The following RBMX2 variants were observed in gnomAD, a reference collection of about 807,000 sequenced individuals.
The protein encoded by RBMX2 is RNA-binding motif protein, X-linked 2.
For missense variants in RBMX2, 191 were observed against 256.0 expected (o/e 0.75, Z 1.73); for synonymous variants, 77 against 94.3 (o/e 0.82, Z 1.07).
chrX:130,404,635 T>G (rs1049595251), intron 3 of RBMX2, among the ~76,000 whole-genome samples: 1 of 112,730 alleles, frequency 8.9e-6, no homozygotes, highest in Non-Finnish European at 1.9e-5. Flanking sequence ...TAGCGGACCA[T>G]GGCAAAAGGG....
intron 3 of RBMX2, chrX:130,404,066 A>C (rs2034471085): frequency 1.5e-5 from 6 of 402,629 alleles, no homozygotes; most frequent in Middle Eastern, 3.9e-4. Context: ...TTGGGAGGGC[A>C]TCTTGGGGAT....
intron 3 of RBMX2, among the ~76,000 whole-genome samples, chrX:130,407,831 AT>A (rs984160640): frequency 9.2e-6 from 1 of 109,237 alleles, no homozygotes; most frequent in African/African-American, 3.3e-5. Context: ...ATTAAAAAAA[AT>A]TTTTTTTGTA....
At position 130,412,362 on chromosome X, in the gene RBMX2, C is replaced by T; in HGVS notation, c.483C>T (p.Asp161=). The part of the protein sequence containing the change: ...DEKPTKKHKK[D]KKEKKKKKKE... ...CTGCTTCTTTCTTTTATCCTCCAGA[C>T]AAAAAGGAAAAAAAGAAAAAAAAGA... Residue 161 remains aspartate, a splice_region_variant and synonymous_variant, in exon 6 of 6, where the codon GAC becomes GAT. Coordinates refer to ENST00000305536, the MANE Select transcript of RBMX2 (RefSeq NM_016024.4). The T allele has an allele frequency of 9.0e-7, 1 of 1,110,619 alleles. No individual in the cohort carries two copies. The highest frequency in any genetic ancestry group is 1.2e-6 in the Non-Finnish European group (1 of 846,678). 91.5% of individuals were successfully genotyped at this position (1,110,619 alleles called of 1,213,427 possible). A position where few individuals can be genotyped will look rare whatever the true frequency, so the allele number is the denominator to read the frequency against.
At position 130,412,836 on chromosome X, in the gene RBMX2, T is replaced by C. The variant is rs1265751303; in HGVS notation, c.957T>C (p.Arg319=). Residue 319 remains arginine, a synonymous_variant, in exon 6 of 6, where the codon CGT becomes CGC. Coordinates refer to ENST00000305536, the MANE Select transcript of RBMX2 (RefSeq NM_016024.4). ...GGGAGTCTTCGAATCCCAGTGACCG[T>C]TGGCGTCACTGAAGACTTCAGCTGC... The part of the protein sequence containing the change: ...RERESSNPSD[R]WRH 1.7e-6 allele frequency: 2 copies of C among 1,207,100 alleles called. No individual in the cohort carries two copies. Among genetic ancestry groups the C allele is most frequent in the Non-Finnish European group, 2.2e-6 (2 of 893,961 alleles).
chrX:130,411,272 CTG>C lies in RBMX2; in HGVS notation c.304-74_304-73del, dbSNP rs778634071. On this transcript the variant is annotated intron_variant, in intron 4 of 5. Coordinates refer to ENST00000305536, the MANE Select transcript of RBMX2 (RefSeq NM_016024.4). ...AGGATGTAGTTCAAATCATGGTTCTCTGTAGCTTGTGTTCAAATAGTTTGACA... is the reference window on the plus strand; with the variant it reads ...AGGATGTAGTTCAAATCATGGTTCTCTAGCTTGTGTTCAAATAGTTTGACA... The C allele has an allele frequency of 1.4e-4, 138 of 971,035 alleles. 1 individual carries two copies. Among genetic ancestry groups the C allele is most frequent in the Non-Finnish European group, 1.4e-4 (99 of 719,486 alleles). The allele number at this position is 971,035 out of a possible 1,213,427, so 80.0% of individuals were successfully genotyped here. A position where few individuals can be genotyped will look rare whatever the true frequency, so the allele number is the denominator to read the frequency against.
At chrX:130,410,346 C>T (rs1305205401) in intron 4 of RBMX2, among the ~76,000 whole-genome samples, 1 of 99,022 alleles carries the variant, frequency 1.0e-5, no homozygotes, top group East Asian at 3.2e-4. Context: ...CTGTATCTGC[C>T]TAAAAATAGA....
At chrX:130,404,288 C>T (rs972008124) in intron 3 of RBMX2, 5 of 135,769 alleles carry the variant, frequency 3.7e-5, no homozygotes, top group Non-Finnish European at 7.5e-5. Flanking sequence ...CTTTGTTTCT[C>T]GATGAGTGTA....
chrX:130,412,919 T>C lies in RBMX2; in HGVS notation c.*71T>C. 5 of 1,055,857 alleles carry C rather than the reference T, an allele frequency of 4.7e-6. No homozygotes were observed. The highest frequency in any genetic ancestry group is 6.3e-6 in the Non-Finnish European group (5 of 795,865). The allele number at this position is 1,055,857 out of a possible 1,213,427, so 87.0% of individuals were successfully genotyped here. On this transcript the variant is annotated 3_prime_UTR_variant, in exon 6 of 6. Transcript: ENST00000305536. Reference sequence around the variant, plus strand: ...ATGCAGTCAAATTCAGTTGGGTGGTTACTATTTTTGTATCTAAAACTTCTG... The same window carrying C: ...ATGCAGTCAAATTCAGTTGGGTGGTCACTATTTTTGTATCTAAAACTTCTG...
At chrX:130,402,780 C>T (rs2034463076) in intron 2 of RBMX2, among the ~76,000 whole-genome samples, 1 of 111,590 alleles carries the variant, frequency 9.0e-6, no homozygotes, top group Non-Finnish European at 1.9e-5. Flanking sequence ...TACCACCACC[C>T]TCCCCCATTC....
At chrX:130,405,850 T>TC (rs1357309559) in intron 3 of RBMX2, among the ~76,000 whole-genome samples, 3 of 36,142 alleles carry the variant, frequency 8.3e-5, no homozygotes, top group African/African-American at 7.7e-4. Flanking sequence ...TTTTTTTTTT[T>TC]TTTTTTTTTT....
rs776914028 is a variant in RBMX2 at position 130,403,815 on chromosome X, T to C, written c.135T>C (p.Tyr45=). The change falls in exon 3 of 6, where the codon TAT becomes TAC. Residue 45 remains tyrosine, a synonymous_variant. Transcript: ENST00000305536. ...SAWIFLGGLP[Y]ELTEGDIICV... ...TTTCTCTTCTAGGAGGGCTTCCTTA[T>C]GAACTGACTGAAGGGGACATCATCT... The C allele has an allele frequency of 8.3e-7, 1 of 1,210,995 alleles. No individual in the cohort carries two copies. The highest frequency in any genetic ancestry group is 3.0e-5 in the East Asian group (1 of 33,883).
rs1603272091 is a variant in RBMX2, at chrX:130,413,019, G to T, written c.*171G>T. 1.1e-5 allele frequency: 5 copies of T among 471,403 alleles called. No homozygotes were observed. In the East Asian group the frequency reaches 2.0e-4, roughly 19 times the overall value. The allele number at this position is 471,403 out of a possible 1,213,427, so 38.8% of individuals were successfully genotyped here. A position where few individuals can be genotyped will look rare whatever the true frequency, so the allele number is the denominator to read the frequency against. ...GCAGTTTCAACAGCTAGATATCCTGGATATTGTTTGCACCATCCATTGTCC... is the reference window on the plus strand; with the variant it reads ...GCAGTTTCAACAGCTAGATATCCTGTATATTGTTTGCACCATCCATTGTCC... On this transcript the variant is annotated 3_prime_UTR_variant, in exon 6 of 6. Transcript: ENST00000305536.
intron 3 of RBMX2, among the ~76,000 whole-genome samples, chrX:130,406,205 T>G (rs2034485020): frequency 9.1e-6 from 1 of 110,434 alleles, no homozygotes; most frequent in African/African-American, 3.3e-5. Context: ...GTTTATAGAT[T>G]TGCAGCCCAT....
At chrX:130,403,389 C>T (rs1339974231) in intron 2 of RBMX2, among the ~76,000 whole-genome samples, 1 of 111,710 alleles carries the variant, frequency 9.0e-6, no homozygotes, top group Non-Finnish European at 1.9e-5. Flanking sequence ...TTTTTTTGAG[C>T]TGGAGTTTCA....
intron 1 of RBMX2, 78 bp from the exon 2 acceptor site, chrX:130,402,177 C>T (rs1454673703): frequency 1.7e-6 from 2 of 1,164,202 alleles, no homozygotes; most frequent in African/African-American, 1.8e-5. Context: ...TAGTTTTGCT[C>T]TTCCTCAGCT....
rs1454520613 is a variant in RBMX2, at chrX:130,412,746, T to C, written c.867T>C (p.Tyr289=). The change falls in exon 6 of 6, where the codon TAT becomes TAC. Residue 289 remains tyrosine, a synonymous_variant. Transcript: ENST00000305536. ...WYNGRSEGRS[Y]RSRSRSRDKS... is the part of the protein sequence containing the mutation. ...ATGGGCGTTCTGAAGGGCGTAGTTA[T>C]AGAAGTAGAAGTAGGAGCCGAGATA... 5 of 1,208,749 alleles carry C rather than the reference T, an allele frequency of 4.1e-6. No individual in the cohort carries two copies. Among genetic ancestry groups the C allele is most frequent in the African/African-American group, 3.5e-5 (2 of 56,802 alleles).
In RBMX2 at chrX:130,411,281, G is replaced by T. The variant is rs1379738431; in HGVS notation, c.304-67G>T. 4 of 993,627 alleles carry T rather than the reference G, an allele frequency of 4.0e-6. No homozygotes were observed. In the African/African-American group the frequency reaches 5.9e-5, roughly 15 times the overall value. 81.9% of individuals were successfully genotyped at this position (993,627 alleles called of 1,213,427 possible). A position where few individuals can be genotyped will look rare whatever the true frequency, so the allele number is the denominator to read the frequency against. On this transcript the variant is annotated intron_variant, in intron 4 of 5. Transcript: ENST00000305536. ...TTCAAATCATGGTTCTCTGTAGCTT[G>T]TGTTCAAATAGTTTGACAGTTTGGT...
rs1338466190 is a variant in RBMX2 at position 130,411,402 on chromosome X, G to T, written c.358G>T (p.Asp120Tyr). The T allele has an allele frequency of 2.5e-5, 30 of 1,208,388 alleles. No individual in the cohort carries two copies. Among genetic ancestry groups the T allele is most frequent in the Non-Finnish European group, 3.4e-5 (30 of 893,844 alleles). The change falls in exon 5 of 6, where the codon GAC becomes TAC. Residue 120 changes from aspartate (D) to tyrosine (Y), a missense_variant. Physicochemically the swap from Asp to Tyr is radical, Grantham distance 160. Transcript: ENST00000305536. ...DHVSNYRAPK[D>Y]SEEIDDVTRQ... Reference sequence around the variant, plus strand: ...TGTGTCTAACTATCGGGCTCCTAAGGACTCAGAAGAAATAGATGATGTGAC... The same window carrying T: ...TGTGTCTAACTATCGGGCTCCTAAGTACTCAGAAGAAATAGATGATGTGAC...
intron 4 of RBMX2, among the ~76,000 whole-genome samples, chrX:130,410,114 T>G (rs1053820642): frequency 9.0e-6 from 1 of 111,467 alleles, no homozygotes; most frequent in Admixed American, 9.5e-5. Context: ...AGCTGGAGAT[T>G]ATAGAACAGA....
Sources: gnomAD v4.1 joint callset for allele counts (sites outside exome capture counted in the v4.1 genomes callset) on GRCh38, gnomAD v4.1.1 for gene constraint, MANE v1.5 for transcripts, NCBI Gene and HGNC (gene_info 2026-07-23, HGNC 2026-07-21) for gene names.